The following NIPSNAP1 variants were observed in gnomAD, a reference collection of about 807,000 sequenced individuals.
NIPSNAP1 encodes the protein protein NipSnap homolog 1.
In NIPSNAP1, 25 loss-of-function variants were observed where a neutral mutation model predicts 49.2. That is an observed-to-expected ratio of 0.51 (90% confidence interval 0.37 to 0.71). NIPSNAP1 has a LOEUF of 0.71. Ranked by LOEUF, NIPSNAP1 falls within the 30% of genes least tolerant of loss-of-function variation. NIPSNAP1 has a pLI of 0.00. For synonymous variants in NIPSNAP1, 143 were observed against 140.7 expected (o/e 1.02, Z -0.12); for missense variants, 294 against 361.0 (o/e 0.81, Z 1.50).
rs775163854 is a variant in NIPSNAP1 at position 29,560,717 on chromosome 22, G to A, written c.706+17C>T. The stretch of plus-strand genomic sequence containing the variant: ...AAAGAGAACTAACAAAAGGCTCCTG[G>A]AAGGTCCTCAACCTACCCCAGAGAT... On this transcript the variant is annotated intron_variant, in intron 8 of 9. Coordinates refer to ENST00000216121, the MANE Select transcript of NIPSNAP1 (RefSeq NM_003634.4). 6.2e-7 allele frequency: 1 copy of A among 1,608,992 alleles called. No homozygotes were observed. Among genetic ancestry groups the A allele is most frequent in the Admixed American group, 1.7e-5 (1 of 60,008 alleles).
At chr22:29,566,849 C>G (rs758272802) in intron 4 of NIPSNAP1, among the ~76,000 whole-genome samples, 1 of 152,054 alleles carries the variant, frequency 6.6e-6, no homozygotes, top group African/African-American at 2.4e-5. Flanking sequence ...ATAGGCCAGG[C>G]GCAGTGGCTG....
In NIPSNAP1 at chr22:29,581,010, C is replaced by T. The variant is rs1427748284; in HGVS notation, c.73G>A (p.Asp25Asn). 8 of 1,534,638 alleles carry T rather than the reference C, an allele frequency of 5.2e-6. No homozygotes were observed. Among genetic ancestry groups the T allele is most frequent in the Non-Finnish European group, 7.0e-6 (8 of 1,144,764 alleles). ...LLGGPGPRAGDVASAAAARFY... is the reference protein window; with the variant it reads ...LLGGPGPRAGNVASAAAARFY... ...CGCGCCGCAGCTGCAGACGCAACGTCCCCAGCGCGAGGCCCCGGGCCCCCC... is the reference window on the plus strand; with the variant it reads ...CGCGCCGCAGCTGCAGACGCAACGTTCCCAGCGCGAGGCCCCGGGCCCCCC... Residue 25 changes from aspartate to asparagine, a missense_variant, in exon 1 of 10, where the codon GAC becomes AAC. Asp to Asn is a conservative substitution (Grantham distance 23). Around this residue, in one of 4 missense-constraint regions of NIPSNAP1, gnomAD observed 88 missense variants for 76.1 expected, o/e 1.16. Coordinates refer to ENST00000216121, the MANE Select transcript of NIPSNAP1 (RefSeq NM_003634.4).
chr22:29,560,288 G>A (rs2064326226), intron 8 of NIPSNAP1, among the ~76,000 whole-genome samples: 1 of 143,170 alleles, frequency 7.0e-6, no homozygotes, highest in Admixed American at 7.3e-5. Context: ...TCGCTCTGTT[G>A]CCAGGCTGGA....
intron 7 of NIPSNAP1, 122 bp downstream of exon 7, chr22:29,561,049 G>C: frequency 9.7e-7 from 1 of 1,027,450 alleles, no homozygotes; most frequent in Non-Finnish European, 1.5e-6. Flanking sequence ...AGATCCATGA[G>C]GGGCAGAAGG....
chr22:29,566,463 T>C lies in NIPSNAP1; in HGVS notation c.367+2730A>G, dbSNP rs535922710. On this transcript the variant is annotated intron_variant, in intron 4 of 9. Transcript: ENST00000216121. Reference sequence around the variant, plus strand: ...CCTCCCAAGTAGCTAGGACTACAGGTGAGCACCTTGGCACACAGCTTGAAC... The same window carrying C: ...CCTCCCAAGTAGCTAGGACTACAGGCGAGCACCTTGGCACACAGCTTGAAC... Among the ~76,000 whole-genome samples, 4 of 152,172 alleles carry C rather than the reference T, an allele frequency of 2.6e-5. No homozygotes were observed. In the East Asian group the frequency reaches 7.7e-4, roughly 29 times the overall value.
intron 3 of NIPSNAP1, chr22:29,569,788 C>T (rs968441580): frequency 7.7e-5 from 27 of 352,364 alleles, no homozygotes; most frequent in Middle Eastern, 9.7e-4. Flanking sequence ...CAGGAGTTTG[C>T]GACCAGCCGG....
intron 4 of NIPSNAP1, among the ~76,000 whole-genome samples, chr22:29,563,469 G>A (rs1301788917): frequency 1.3e-5 from 2 of 152,232 alleles, no homozygotes; most frequent in Admixed American, 1.3e-4. Flanking sequence ...AAAGGTTGTG[G>A]TGAGCTGAGA....
At chr22:29,577,107 G>A (rs775100411) in intron 1 of NIPSNAP1, among the ~76,000 whole-genome samples, 11 of 148,530 alleles carry the variant, frequency 7.4e-5, no homozygotes, top group Non-Finnish European at 1.5e-4. Context: ...TTCTTTTTTC[G>A]AGACAGGGTC....
intron 4 of NIPSNAP1, among the ~76,000 whole-genome samples, chr22:29,567,433 G>A (rs952970088): frequency 1.3e-5 from 2 of 152,194 alleles, no homozygotes; most frequent in African/African-American, 2.4e-5. Context: ...CAGCTATAGG[G>A]GTACATGATC....
At chr22:29,577,088 AT>A (rs695823) in intron 1 of NIPSNAP1, among the ~76,000 whole-genome samples, 31,955 of 147,882 alleles carry the variant, frequency 0.22, 4,180 homozygotes, top group East Asian at 0.59. Context: ...TTTTTCTTCT[AT>A]TTTTTTTTTC....
At chr22:29,569,150 G>A (rs961915972) in intron 4 of NIPSNAP1, 43 bp downstream of exon 4, 2 of 1,538,798 alleles carry the variant, frequency 1.3e-6, no homozygotes, top group African/African-American at 2.7e-5. Flanking sequence ...CTGGAGGCCA[G>A]GGCTGGGCAG....
chr22:29,573,049 T>C (rs1039464899), intron 1 of NIPSNAP1, among the ~76,000 whole-genome samples: 1 of 151,966 alleles, frequency 6.6e-6, no homozygotes, highest in African/African-American at 2.4e-5. Context: ...TTCATTTGTT[T>C]GTATTTGAGA....
intron 4 of NIPSNAP1, chr22:29,564,370 A>T: frequency 2.1e-6 from 1 of 471,014 alleles, no homozygotes; most frequent in Non-Finnish European, 4.4e-6. Context: ...ACCAGGAATG[A>T]CCTGTGGAAA....
chr22:29,561,946 C>A, intron 4 of NIPSNAP1, 84 bp from the exon 5 acceptor site: 1 of 1,231,972 alleles, frequency 8.1e-7, no homozygotes, highest in Non-Finnish European at 1.2e-6. Context: ...GTGGTGGGGA[C>A]GGGGGAGGCG....
At chr22:29,566,747 C>A (rs1243493786) in intron 4 of NIPSNAP1, among the ~76,000 whole-genome samples, 6 of 151,996 alleles carry the variant, frequency 3.9e-5, no homozygotes, top group African/African-American at 1.5e-4. Flanking sequence ...TCATCTGAGC[C>A]CGGGAGGTCA....
At chr22:29,569,591 G>A (rs1456795826) in intron 3 of NIPSNAP1, among the ~76,000 whole-genome samples, 2 of 151,380 alleles carry the variant, frequency 1.3e-5, no homozygotes, top group African/African-American at 4.9e-5. Context: ...TTGTGTGTGA[G>A]ACAGAGTTTT....
intron 4 of NIPSNAP1, among the ~76,000 whole-genome samples, chr22:29,568,417 A>G (rs2064383128): frequency 6.7e-6 from 1 of 148,754 alleles, no homozygotes; most frequent in African/African-American, 2.5e-5. Context: ...CAGGAGGTGG[A>G]GGTTGCAGTC....
At position 29,555,841 on chromosome 22, in the gene NIPSNAP1, G is replaced by T; in HGVS notation, c.*94C>A. On this transcript the variant is annotated 3_prime_UTR_variant, in exon 10 of 10. Transcript: ENST00000216121. ...CACTGCCCCTCAGAGTCCTCCCAGA[G>T]CCAAGACAAAACCAAGACAGCAGGA... 1.7e-6 allele frequency: 2 copies of T among 1,187,638 alleles called. No homozygotes were observed. Among genetic ancestry groups the T allele is most frequent in the Non-Finnish European group, 2.5e-6 (2 of 815,338 alleles). The allele number at this position is 1,187,638 out of a possible 1,614,324, so 73.6% of individuals were successfully genotyped here.
At chr22:29,556,574 C>T (rs1031574467) in intron 9 of NIPSNAP1, among the ~76,000 whole-genome samples, 5 of 152,062 alleles carry the variant, frequency 3.3e-5, no homozygotes, top group Non-Finnish European at 5.9e-5. Flanking sequence ...CCTCGTTTTA[C>T]AGATAGAGAG....
Sources: allele counts gnomAD v4.1 joint callset (sites outside exome capture counted in the v4.1 genomes callset), GRCh38; gene constraint gnomAD v4.1.1; regional missense constraint gnomAD v4.1.1; transcripts MANE v1.5; gene names NCBI Gene and HGNC (gene_info 2026-07-23, HGNC 2026-07-21).